Variants in MTHFD2L observed in about 807,000 individuals in gnomAD.
The protein encoded by MTHFD2L is methylenetetrahydrofolate dehydrogenase (NADP+ dependent) 2 like.
In MTHFD2L, 29 loss-of-function variants were observed where a neutral mutation model predicts 34.9. The observed-to-expected ratio is 0.83, with a 90% CI of 0.62 to 1.13. The LOEUF is 1.13. Ranked by LOEUF, MTHFD2L falls within the 50% of genes most tolerant of loss-of-function variation. MTHFD2L has a pLI of 0.00. For missense variants in MTHFD2L, 481 were observed against 446.5 expected (o/e 1.08, Z -0.70); for synonymous variants, 167 against 155.7 (o/e 1.07, Z -0.54).
chr4:74,133,582 C>G (rs1214153759), intron 1 of MTHFD2L, among the ~76,000 whole-genome samples: 5 of 151,992 alleles, frequency 3.3e-5, no homozygotes, highest in Non-Finnish European at 5.9e-5. Flanking sequence ...TTTTCTCTAA[C>G]CCATTCTGTT....
chr4:74,258,843 A>T (rs1164551288), intron 6 of MTHFD2L, among the ~76,000 whole-genome samples: 1 of 152,186 alleles, frequency 6.6e-6, no homozygotes, highest in Non-Finnish European at 1.5e-5. Context: ...AGTCAGGAAA[A>T]CTATGGACAG....
intron 5 of MTHFD2L, among the ~76,000 whole-genome samples, chr4:74,223,086 TACACCCAAAGGA>T: frequency 6.6e-6 from 1 of 152,182 alleles, no homozygotes; most frequent in Middle Eastern, 3.4e-3. Context: ...TTACTGGGTA[TACACCCAAAGGA>T]ATATAAATTG....
chr4:74,130,280 C>CA (rs956083164), intron 1 of MTHFD2L, among the ~76,000 whole-genome samples: 4 of 151,498 alleles, frequency 2.6e-5, no homozygotes, highest in Non-Finnish European at 5.9e-5. Context: ...AGAGACACAA[C>CA]AAAAAAAAGA....
intron 6 of MTHFD2L, among the ~76,000 whole-genome samples, chr4:74,251,807 A>G (rs1471431974): frequency 6.6e-6 from 1 of 152,142 alleles, no homozygotes; most frequent in Non-Finnish European, 1.5e-5. Context: ...AATTTTCTCA[A>G]TTTCTGAATT....
At chr4:74,236,507 T>C (rs993464516) in intron 6 of MTHFD2L, among the ~76,000 whole-genome samples, 1 of 152,260 alleles carries the variant, frequency 6.6e-6, no homozygotes, top group African/African-American at 2.4e-5. Context: ...TCTCACCTTG[T>C]CCTTTATTCC....
chr4:74,190,371 A>T (rs901092468), intron 3 of MTHFD2L: 49 of 546,804 alleles, frequency 9.0e-5, no homozygotes, highest in Non-Finnish European at 1.1e-4. Context: ...CGTGATGTGT[A>T]GGTTCCAACT....
chr4:74,219,410 G>A (rs900524949), intron 5 of MTHFD2L, among the ~76,000 whole-genome samples: 1 of 152,046 alleles, frequency 6.6e-6, no homozygotes, highest in African/African-American at 2.4e-5. Flanking sequence ...TCATCTGAAG[G>A]TCAGAGATAT....
chr4:74,143,527 T>G, intron 1 of MTHFD2L: 5 of 738,862 alleles, frequency 6.8e-6, no homozygotes, highest in African/African-American at 1.9e-5. Context: ...ACAAGCACGG[T>G]TCCCTGGAAC....
chr4:74,141,544 A>G (rs1275246556), intron 1 of MTHFD2L, among the ~76,000 whole-genome samples: 2 of 152,198 alleles, frequency 1.3e-5, no homozygotes, highest in Admixed American at 6.5e-5. Flanking sequence ...ACAGTCTTCT[A>G]ACCCTCCAAG....
chr4:74,186,438 G>GAAAAAAAAA (rs59325238), intron 3 of MTHFD2L, among the ~76,000 whole-genome samples: 10 of 88,196 alleles, frequency 1.1e-4, no homozygotes, highest in Non-Finnish European at 1.6e-4. Context: ...GGGAATCCAT[G>GAAAAAAAAA]AAAAAAAAAA....
At chr4:74,252,761 A>T (rs2110202919) in intron 6 of MTHFD2L, among the ~76,000 whole-genome samples, 1 of 152,242 alleles carries the variant, frequency 6.6e-6, no homozygotes, top group Non-Finnish European at 1.5e-5. Context: ...GAACATAAGA[A>T]ATTCTGCTTA....
At chr4:74,175,511 G>A (rs1177921048) in intron 3 of MTHFD2L, 108 bp downstream of exon 3, 118 of 1,198,932 alleles carry the variant, frequency 9.8e-5, no homozygotes, top group Non-Finnish European at 1.9e-5. Flanking sequence ...ACATTCAGAA[G>A]GAGACTAGCT....
chr4:74,152,171 CT>C (rs1024481145), intron 1 of MTHFD2L, among the ~76,000 whole-genome samples: 16 of 151,726 alleles, frequency 1.1e-4, no homozygotes, highest in Non-Finnish European at 2.2e-4. Context: ...CAATAGTTTT[CT>C]TTTTTTGTAT....
chr4:74,276,214 A>C (rs1305405143), intron 6 of MTHFD2L, among the ~76,000 whole-genome samples: 1 of 152,176 alleles, frequency 6.6e-6, no homozygotes, highest in East Asian at 1.9e-4. Context: ...AAAAGATTTG[A>C]TATTCATTAA....
chr4:74,282,365 A>C (rs905318043), intron 7 of MTHFD2L, among the ~76,000 whole-genome samples: 3 of 152,084 alleles, frequency 2.0e-5, no homozygotes, highest in Non-Finnish European at 4.4e-5. Flanking sequence ...TCTGGCCAAA[A>C]AATACAGTGC....
chr4:74,122,024 C>T (rs189781829), upstream of MTHFD2L, among the ~76,000 whole-genome samples: 39 of 152,160 alleles, frequency 2.6e-4, no homozygotes, highest in Middle Eastern at 6.8e-3. Flanking sequence ...TTGTGTAAGC[C>T]ACCCAGTCTG....
chr4:74,204,503 G>C (rs1241682689), intron 5 of MTHFD2L, among the ~76,000 whole-genome samples: 1 of 151,878 alleles, frequency 6.6e-6, no homozygotes, highest in Non-Finnish European at 1.5e-5. Flanking sequence ...TTTTGTTTTT[G>C]CATTTTTTGG....
At chr4:74,140,541 G>A in intron 1 of MTHFD2L, 1 of 978,606 alleles carries the variant, frequency 1.0e-6, no homozygotes, top group Middle Eastern at 5.3e-4. Flanking sequence ...TTTTCATGTT[G>A]TGCATTATTC....
chr4:74,158,392 G>A, intron 1 of MTHFD2L, 111 bp downstream of exon 1: 14 of 841,830 alleles, frequency 1.7e-5, no homozygotes, highest in Non-Finnish European at 1.9e-5. Context: ...GCCGCGCGGC[G>A]GCGGGCTGGG....
Sources: gnomAD v4.1 joint callset for allele counts (sites outside exome capture counted in the v4.1 genomes callset) on GRCh38, gnomAD v4.1.1 for gene constraint, MANE v1.5 for transcripts, NCBI Gene and HGNC (gene_info 2026-07-23, HGNC 2026-07-21) for gene names.